IGSF11: variants seen among roughly 807,000 people sequenced by gnomAD.
IGSF11 encodes immunoglobulin superfamily member 11.
In IGSF11, 22 loss-of-function variants were observed where a neutral mutation model predicts 41.0. The observed-to-expected ratio is 0.54, with a 90% CI of 0.38 to 0.77. The LOEUF is 0.77. Among genes scored for constraint, IGSF11 ranks in the 30% least tolerant of loss-of-function variants. The pLI, the probability that IGSF11 is intolerant of heterozygous loss-of-function variation, is 0.00. For synonymous variants in IGSF11, 219 were observed against 201.3 expected (o/e 1.09, Z -0.74); for missense variants, 444 against 530.8 (o/e 0.84, Z 1.61).
intron 1 of IGSF11, among the ~76,000 whole-genome samples, chr3:119,056,527 G>A (rs910523272): frequency 3.9e-5 from 6 of 152,140 alleles, no homozygotes; most frequent in African/African-American, 9.7e-5. Context: ...ATTCACAGCC[G>A]AATTCTACCA....
rs548913280 is a variant in IGSF11 at position 118,986,058 on chromosome 3, C to T, written c.52+48473G>A. ...CAAACTGCAATTAAGCAAGCCTGAA[C>T]AATTTGCAGTTACACTTGTTAGGCA... On this transcript the variant is annotated intron_variant, in intron 1 of 6. Transcript: ENST00000393775. Among the ~76,000 whole-genome samples, 71 of 152,308 alleles carry T rather than the reference C, an allele frequency of 4.7e-4. 1 individual carries two copies. The highest frequency in any genetic ancestry group is 1.2e-3 in the African/African-American group (50 of 41,572).
chr3:119,098,540 A>T (rs947234839), intron 1 of IGSF11, among the ~76,000 whole-genome samples: 3 of 152,196 alleles, frequency 2.0e-5, no homozygotes, highest in Non-Finnish European at 4.4e-5. Flanking sequence ...CACAATAGAG[A>T]TTAACACATT....
intron 1 of IGSF11, among the ~76,000 whole-genome samples, chr3:119,048,331 A>T (rs1941460238): frequency 6.6e-6 from 1 of 152,020 alleles, no homozygotes; most frequent in African/African-American, 2.4e-5. Context: ...CACCGATCCC[A>T]CAGAAATACA....
At chr3:119,058,420 T>G (rs564181195) in intron 1 of IGSF11, among the ~76,000 whole-genome samples, 1 of 152,056 alleles carries the variant, frequency 6.6e-6, no homozygotes, top group East Asian at 1.9e-4. Context: ...AAAACCACAA[T>G]GAGATACCAT....
At chr3:119,054,740 T>C (rs773164724) in intron 1 of IGSF11, among the ~76,000 whole-genome samples, 1 of 152,208 alleles carries the variant, frequency 6.6e-6, no homozygotes, top group African/African-American at 2.4e-5. Flanking sequence ...CACATGTTTA[T>C]AGCAGCACAA....
At chr3:119,036,781 AG>A (rs1940928857), upstream of IGSF11, among the ~76,000 whole-genome samples, 1 of 152,198 alleles carries the variant, frequency 6.6e-6, no homozygotes, top group East Asian at 1.9e-4. Flanking sequence ...AAGCAGATAG[AG>A]TTCTGCCTCT....
intron 1 of IGSF11, among the ~76,000 whole-genome samples, chr3:118,954,915 G>A (rs1477970338): frequency 1.3e-5 from 2 of 152,072 alleles, no homozygotes; most frequent in African/African-American, 4.8e-5. Flanking sequence ...ATATTGGCAT[G>A]GATGAGGTAG....
chr3:119,026,746 G>C (rs1410839447), intron 1 of IGSF11, among the ~76,000 whole-genome samples: 1 of 152,174 alleles, frequency 6.6e-6, no homozygotes. Context: ...GAAGCAAAAT[G>C]GTCATCCCAA....
At chr3:119,103,225 C>G (rs2076966375) in intron 1 of IGSF11, among the ~76,000 whole-genome samples, 1 of 152,176 alleles carries the variant, frequency 6.6e-6, no homozygotes, top group Admixed American at 6.5e-5. Context: ...TCTCGATCTC[C>G]TGACCTCTTG....
rs1026809757 is a variant in IGSF11, at chr3:118,934,348, A to G, written c.53-4073T>C. ...TAAAACACACCTTTCCCTTAGCTTCAGTGATGTTAATATAATTCACTTCTG... is the reference window on the plus strand; with the variant it reads ...TAAAACACACCTTTCCCTTAGCTTCGGTGATGTTAATATAATTCACTTCTG... On this transcript the variant is annotated intron_variant, in intron 1 of 6. Transcript: ENST00000393775. Among the ~76,000 whole-genome samples the G allele has an allele frequency of 4.0e-4, 61 of 152,102 alleles. 1 individual carries two copies. The highest frequency in any genetic ancestry group is 3.9e-3 in the Admixed American group (60 of 15,266).
Position 119,053,540 on chromosome 3 carries a change from T to C in IGSF11, c.49+51604A>G, listed in dbSNP as rs983292039. On this transcript the variant is annotated intron_variant, in intron 1 of 6. Transcript: ENST00000354673. ...GGTGACACAAACAAATGGAAACATA[T>C]CCCATGCTCATGGATGGGTAGAATC... 2.0e-5 allele frequency among the ~76,000 whole-genome samples: 3 copies of C among 152,086 alleles called. No homozygotes were observed. In the East Asian group the frequency reaches 5.8e-4, roughly 29 times the overall value.
In IGSF11 at chr3:119,138,161, A is replaced by C. The variant is rs202175132; in HGVS notation, c.-14+7652T>G. 3.3e-4 allele frequency among the ~76,000 whole-genome samples: 33 copies of C among 100,598 alleles called. 1 individual carries two copies. The highest frequency in any genetic ancestry group is 1.5e-3 in the Admixed American group (16 of 10,512). The allele number at this position is 100,598 out of a possible 152,430, so 66.0% of individuals were successfully genotyped here. ...GAAAAGTTTGGAGGTTCCTCAACAAAAAAAAAAAAAAAAACTAAAAATTGA... is the reference window on the plus strand; with the variant it reads ...GAAAAGTTTGGAGGTTCCTCAACAACAAAAAAAAAAAAAACTAAAAATTGA... On this transcript the variant is annotated intron_variant, in intron 1 of 7. Coordinates refer to the IGSF11 transcript ENST00000425327.
At chr3:119,138,858 T>G (rs1200838261) in intron 1 of IGSF11, among the ~76,000 whole-genome samples, 1 of 152,062 alleles carries the variant, frequency 6.6e-6, no homozygotes, top group African/African-American at 2.4e-5. Flanking sequence ...GAAGGATGGT[T>G]AACAGAGGCT....
intron 1 of IGSF11, among the ~76,000 whole-genome samples, chr3:118,995,136 G>C (rs1452944664): frequency 6.6e-6 from 1 of 152,172 alleles, no homozygotes; most frequent in Non-Finnish European, 1.5e-5. Flanking sequence ...TTTTAAGCAG[G>C]TGAATGAAAT....
chr3:118,912,088 CTATACTT>C (rs1940393992), intron 4 of IGSF11, among the ~76,000 whole-genome samples: 1 of 152,140 alleles, frequency 6.6e-6, no homozygotes, highest in Non-Finnish European at 1.5e-5. Flanking sequence ...AATAAATACA[CTATACTT>C]TATATTTACC....
intron 1 of IGSF11, among the ~76,000 whole-genome samples, chr3:119,017,279 T>C (rs957830592): frequency 2.0e-5 from 3 of 152,208 alleles, no homozygotes; most frequent in Non-Finnish European, 4.4e-5. Context: ...AACTAGATGG[T>C]ATACAGCCTA....
At chr3:119,062,182 T>G (rs1273372286) in intron 1 of IGSF11, among the ~76,000 whole-genome samples, 2 of 152,182 alleles carry the variant, frequency 1.3e-5, no homozygotes, top group African/African-American at 2.4e-5. Context: ...TAGAATTGGT[T>G]TTATTTGAAA....
intron 1 of IGSF11, among the ~76,000 whole-genome samples, chr3:119,120,074 T>C (rs1254325813): frequency 1.3e-5 from 2 of 152,162 alleles, no homozygotes; most frequent in Admixed American, 1.3e-4. Flanking sequence ...TGACTGACCT[T>C]GAGGTCCTGT....
chr3:119,048,067 C>G (rs1441327120), intron 1 of IGSF11, among the ~76,000 whole-genome samples: 1 of 150,338 alleles, frequency 6.7e-6, no homozygotes, highest in Non-Finnish European at 1.5e-5. Context: ...AATTGACACC[C>G]TAACATCACA....
Sources: allele counts gnomAD v4.1 joint callset (sites outside exome capture counted in the v4.1 genomes callset), GRCh38; gene constraint gnomAD v4.1.1; transcripts MANE v1.5; gene names NCBI Gene and HGNC (gene_info 2026-07-23, HGNC 2026-07-21).